ABCA13: variants seen among roughly 807,000 people sequenced by gnomAD.
ABCA13 encodes ATP-binding cassette sub-family A member 13.
In ABCA13, 476 loss-of-function variants were observed where a neutral mutation model predicts 478.7. The observed-to-expected ratio is 0.99, with a 90% CI of 0.92 to 1.07. The LOEUF (loss-of-function observed/expected upper bound fraction) is 1.07, where lower values mean the gene tolerates loss of function less well. Among genes scored for constraint, ABCA13 ranks in the 50% least tolerant of loss-of-function variants. The pLI, the probability that ABCA13 is intolerant of heterozygous loss-of-function variation, is 0.00. For synonymous variants in ABCA13, 2,252 were observed against 2,158.9 expected, an observed-to-expected ratio of 1.04 and a Z score of -1.20; for missense variants, 6,060 against 5,910.6, an observed-to-expected ratio of 1.03 and a Z score of -0.83.
At chr7:48,529,367 A>T (rs577944702) in intron 55 of ABCA13, among the ~76,000 whole-genome samples, 1 of 152,162 alleles carries the variant, frequency 6.6e-6, no homozygotes, top group South Asian at 2.1e-4. Flanking sequence ...ATGTCCTCGT[A>T]TCCCATTCTT....
At chr7:48,619,423 A>G (rs1792914416) in intron 59 of ABCA13, among the ~76,000 whole-genome samples, 1 of 152,178 alleles carries the variant, frequency 6.6e-6, no homozygotes, top group African/African-American at 2.4e-5. Context: ...TACCTGAGTC[A>G]CAATTTAAGA....
intron 55 of ABCA13, among the ~76,000 whole-genome samples, chr7:48,539,696 G>A (rs1833832990): frequency 6.6e-6 from 1 of 151,848 alleles, no homozygotes; most frequent in Non-Finnish European, 1.5e-5. Context: ...TTATTCTCTC[G>A]ACATTCTCCT....
chr7:48,233,983 C>T, intron 7 of ABCA13, 35 bp from the exon 8 acceptor site: 1 of 1,609,742 alleles, frequency 6.2e-7, no homozygotes. Flanking sequence ...AATATTCAAA[C>T]AACTGCTGGT....
chr7:48,361,031 G>T (rs1810741856), intron 31 of ABCA13, among the ~76,000 whole-genome samples: 1 of 151,594 alleles, frequency 6.6e-6, no homozygotes, highest in Admixed American at 6.6e-5. Context: ...AGGAGGCTGA[G>T]GCTACAGTGA....
At chr7:48,363,356 G>C (rs1334038459) in intron 31 of ABCA13, among the ~76,000 whole-genome samples, 1 of 152,032 alleles carries the variant, frequency 6.6e-6, no homozygotes, top group Non-Finnish European at 1.5e-5. Flanking sequence ...TATATAACTT[G>C]GTAATTTTGG....
At chr7:48,377,248 G>A (rs1298560951) in intron 35 of ABCA13, among the ~76,000 whole-genome samples, 2 of 151,480 alleles carry the variant, frequency 1.3e-5, no homozygotes, top group African/African-American at 2.4e-5. Flanking sequence ...TGTTTTGGGA[G>A]GAAAAGAGGC....
At chr7:48,334,311 T>A (rs990065726) in intron 27 of ABCA13, among the ~76,000 whole-genome samples, 1 of 152,034 alleles carries the variant, frequency 6.6e-6, no homozygotes, top group African/African-American at 2.4e-5. Context: ...TAATTTGTCT[T>A]AATACTTACA....
chr7:48,259,089 T>G (rs1307242752), intron 15 of ABCA13, among the ~76,000 whole-genome samples: 1 of 152,146 alleles, frequency 6.6e-6, no homozygotes, highest in Non-Finnish European at 1.5e-5. Flanking sequence ...TTCTGTTATT[T>G]TGTGGTAGAG....
intron 1 of ABCA13, among the ~76,000 whole-genome samples, chr7:48,189,581 C>T (rs960780456): frequency 3.9e-5 from 6 of 152,130 alleles, no homozygotes; most frequent in South Asian, 2.1e-4. Context: ...AACTTCTCAA[C>T]GATAAGATTC....
At chr7:48,645,340 C>T (rs545437652) in intron 61 of ABCA13, 77 bp from the exon 62 acceptor site, 2 of 1,170,750 alleles carry the variant, frequency 1.7e-6, no homozygotes, top group South Asian at 1.4e-5. Flanking sequence ...TGTTCTGAGA[C>T]AATGTCTCCT....
Position 48,274,975 on chromosome 7 carries a change from A to G in ABCA13, c.5309A>G (p.Lys1770Arg). The stretch of plus-strand genomic sequence containing the variant: ...GGTAAAAACATCACTGAAGGCCTCA[A>G]GGATGTCTACAGCTTCACACTCCTT... ...VPGKNITEGL[K>R]DVYSFTLLHG... is the part of the protein sequence containing the mutation. Residue 1770 changes from lysine (K) to arginine (R), a missense_variant, in exon 17 of 62, where the codon AAG becomes AGG. Physicochemically the swap from Lys to Arg is conservative, Grantham distance 26 (BLOSUM62 2). This residue lies in a region of ABCA13 where 4,423 missense variants were observed against 4,309.1 expected (regional missense o/e 1.03). Transcript: ENST00000435803. 1 of 1,613,936 alleles carries G rather than the reference A, an allele frequency of 6.2e-7. No homozygotes were observed. Among genetic ancestry groups the G allele is most frequent in the Non-Finnish European group, 8.5e-7 (1 of 1,179,824 alleles).
intron 59 of ABCA13, among the ~76,000 whole-genome samples, chr7:48,616,611 A>G (rs17132511): frequency 0.13 from 19,718 of 152,192 alleles, 1,703 homozygotes; most frequent in Admixed American, 0.22. Flanking sequence ...TTGGGTTCCC[A>G]TAATGTGATA....
chr7:48,489,790 C>A (rs923403694), intron 48 of ABCA13, among the ~76,000 whole-genome samples: 1 of 152,238 alleles, frequency 6.6e-6, no homozygotes. Context: ...TTATGTTGAT[C>A]ATTGATTCAT....
At chr7:48,421,791 C>A (rs925447975) in intron 41 of ABCA13, among the ~76,000 whole-genome samples, 1 of 152,186 alleles carries the variant, frequency 6.6e-6, no homozygotes, top group Non-Finnish European at 1.5e-5. Flanking sequence ...AGGAGTTCAA[C>A]TCCACATCTC....
intron 58 of ABCA13, among the ~76,000 whole-genome samples, chr7:48,612,922 A>T (rs146139706): frequency 6.6e-6 from 1 of 151,316 alleles, no homozygotes; most frequent in Non-Finnish European, 1.5e-5. Flanking sequence ...GGAAATAAAA[A>T]CCCCTCGTTT....
intron 29 of ABCA13, 102 bp from the exon 30 acceptor site, chr7:48,350,541 C>A: frequency 4.6e-6 from 6 of 1,311,822 alleles, no homozygotes; most frequent in Non-Finnish European, 6.1e-6. Flanking sequence ...TGGAAGAATT[C>A]ATATTCATTT....
Position 48,352,470 on chromosome 7 carries a change from C to A in ABCA13, c.10671C>A (p.Pro3557=). ...PAAQTQAAPY[P]CHTSDLFLNN... ...CACAGACTCAGGCGGCCCCTTACCC[C>A]TGCCATACCAGCGACCTGTGAGTAG... The change falls in exon 31 of 62, where the codon CCC becomes CCA. Residue 3557 remains proline (P), a synonymous_variant. Coordinates refer to ENST00000435803, the MANE Select transcript of ABCA13 (RefSeq NM_152701.5). The A allele has an allele frequency of 6.2e-7, 1 of 1,605,810 alleles. No individual in the cohort carries two copies. Among genetic ancestry groups the A allele is most frequent in the South Asian group, 1.1e-5 (1 of 90,274 alleles).
intron 1 of ABCA13, among the ~76,000 whole-genome samples, chr7:48,186,946 A>G (rs887511135): frequency 6.6e-6 from 1 of 151,518 alleles, no homozygotes; most frequent in Non-Finnish European, 1.5e-5. Flanking sequence ...TTTGGTAAAT[A>G]TATTATCTGT....
At chr7:48,285,613 G>A (rs1235687032) in intron 19 of ABCA13, among the ~76,000 whole-genome samples, 3 of 152,194 alleles carry the variant, frequency 2.0e-5, no homozygotes, top group Admixed American at 6.5e-5. Context: ...TCGACTCCAC[G>A]TTGTCATTTT....
Sources: gnomAD v4.1 joint callset for allele counts (sites outside exome capture counted in the v4.1 genomes callset) on GRCh38, gnomAD v4.1.1 for gene constraint, gnomAD v4.1.1 regional missense constraint, MANE v1.5 for transcripts, NCBI Gene and HGNC (gene_info 2026-07-23, HGNC 2026-07-21) for gene names.